LRRC8C: variants seen among roughly 807,000 people sequenced by gnomAD.
LRRC8C encodes volume-regulated anion channel subunit LRRC8C.
In LRRC8C, 20 loss-of-function variants were observed where a neutral mutation model predicts 55.3. That is an observed-to-expected ratio of 0.36 (90% confidence interval 0.25 to 0.53). The LOEUF (loss-of-function observed/expected upper bound fraction) is 0.53. LRRC8C is among the 20% of genes least tolerant of loss of function. The probability of loss-of-function intolerance (pLI) is 0.92; values close to 1 mark genes in which losing one functional copy is unlikely to be tolerated. For missense variants in LRRC8C, 659 were observed against 951.4 expected, an observed-to-expected ratio of 0.69 and a Z score of 4.04; for synonymous variants, 376 against 360.7, an observed-to-expected ratio of 1.04 and a Z score of -0.48.
At chr1:89,625,421 T>C in the LRRC8C span, among the ~76,000 whole-genome samples, 12 of 152,286 alleles carry the variant, frequency 7.9e-5, no homozygotes, top group Admixed American at 3.3e-4. Flanking sequence ...TTCTTTTCAC[T>C]AACAGCAAAA....
At chr1:89,698,954 T>C (rs1366775563) in intron 2 of LRRC8C, among the ~76,000 whole-genome samples, 1 of 150,968 alleles carries the variant, frequency 6.6e-6, no homozygotes, top group Non-Finnish European at 1.5e-5. Flanking sequence ...ATAAGGGAGA[T>C]TCAGACAAGT....
intron 1 of LRRC8C, among the ~76,000 whole-genome samples, chr1:89,671,201 A>G (rs1193132307): frequency 6.6e-6 from 1 of 151,990 alleles, no homozygotes; most frequent in Non-Finnish European, 1.5e-5. Flanking sequence ...GTAGTCACAT[A>G]TTCTACTATA....
chr1:89,700,232 C>G (rs1658281907), intron 2 of LRRC8C, among the ~76,000 whole-genome samples: 1 of 152,182 alleles, frequency 6.6e-6, no homozygotes, highest in African/African-American at 2.4e-5. Flanking sequence ...CAGGCTCTAA[C>G]CTAGTAGCTT....
At chr1:89,671,770 C>T (rs1336351290) in intron 1 of LRRC8C, among the ~76,000 whole-genome samples, 1 of 152,190 alleles carries the variant, frequency 6.6e-6, no homozygotes, top group Non-Finnish European at 1.5e-5. Context: ...AGGTCAGAGT[C>T]AGTTTGCATG....
At position 89,714,780 on chromosome 1, in the gene LRRC8C, G is replaced by GA. The variant is rs1319870259; in HGVS notation, c.2216dup (p.Asn739LysfsTer24). ...AAGAAACTTAAAACTCTGAAGATTG[G>GA]AAAAAACAGCCTATCTGTACTTTCA... On this transcript the variant is annotated frameshift_variant, in exon 3 of 3. Transcript: ENST00000370454. LOFTEE classifies it high-confidence loss of function. This position sits in a 1 kb window ranked among gnomAD's most constrained non-coding sequence, Gnocchi z 4.6. 2 of 1,613,238 alleles carry GA rather than the reference G, an allele frequency of 1.2e-6. No homozygotes were observed. Among genetic ancestry groups the GA allele is most frequent in the Non-Finnish European group, 1.7e-6 (2 of 1,179,786 alleles).
chr1:89,684,508 G>T (rs2101276777), intron 1 of LRRC8C, among the ~76,000 whole-genome samples: 1 of 152,304 alleles, frequency 6.6e-6, no homozygotes, highest in Middle Eastern at 3.4e-3. Flanking sequence ...AAGTAATGGG[G>T]ATGCAAAATA....
At chr1:89,694,686 C>T (rs1658120056) in intron 2 of LRRC8C, among the ~76,000 whole-genome samples, 1 of 139,234 alleles carries the variant, frequency 7.2e-6, no homozygotes, top group African/African-American at 2.7e-5. Flanking sequence ...TTCCCGGGTT[C>T]AAGTGGTTCT....
At chr1:89,636,802 C>G (rs921953424) in intron 1 of LRRC8C, among the ~76,000 whole-genome samples, 1 of 152,174 alleles carries the variant, frequency 6.6e-6, no homozygotes, top group Non-Finnish European at 1.5e-5. Context: ...AGGCACAGCA[C>G]CCGGCCCACT....
Position 89,713,037 on chromosome 1 carries a change from A to G in LRRC8C, c.467A>G (p.Glu156Gly). 1 of 1,614,170 alleles carries G rather than the reference A, an allele frequency of 6.2e-7. No homozygotes were observed. The highest frequency in any genetic ancestry group is 1.1e-5 in the South Asian group (1 of 91,082). Residue 156 changes from glutamate (E) to glycine (G), a missense_variant, in exon 3 of 3, where the codon GAA becomes GGA. Glu to Gly is a moderately conservative substitution (Grantham distance 98, BLOSUM62 -2). Transcript: ENST00000370454. The surrounding 1 kb of genome is among the most constrained non-coding windows in gnomAD (Gnocchi z 5.2). ...TTCCCTGGTTCCAGCTCCAAAATAG[A>G]ACATTTCATCTCCATTCTGGGGAAG... is the stretch of plus-strand genomic sequence containing the variant. The part of the protein sequence containing the change: ...FKFPGSSSKI[E>G]HFISILGKCF...
intron 1 of LRRC8C, among the ~76,000 whole-genome samples, chr1:89,668,794 A>G (rs1417661723): frequency 6.6e-6 from 1 of 152,188 alleles, no homozygotes; most frequent in Non-Finnish European, 1.5e-5. Flanking sequence ...CGTGGATTTA[A>G]TATGGAGGTT....
chr1:89,711,461 A>G (rs1658646417), intron 2 of LRRC8C, among the ~76,000 whole-genome samples: 1 of 152,230 alleles, frequency 6.6e-6, no homozygotes, highest in African/African-American at 2.4e-5. Context: ...CAGCCATTTG[A>G]CATTTTAAGG....
chr1:89,686,720 T>G (rs1657895254), intron 2 of LRRC8C, 109 bp downstream of exon 2: 7 of 1,214,780 alleles, frequency 5.8e-6, no homozygotes, highest in Non-Finnish European at 8.1e-6. Context: ...TATTAGTCAC[T>G]GTTCTCTGTG....
intron 2 of LRRC8C, among the ~76,000 whole-genome samples, chr1:89,702,015 C>G (rs1168371977): frequency 6.6e-6 from 1 of 152,014 alleles, no homozygotes; most frequent in Non-Finnish European, 1.5e-5. Flanking sequence ...CAAAAAGAAG[C>G]TGAAAAAATA....
At chr1:89,700,753 G>A (rs577090665) in intron 2 of LRRC8C, among the ~76,000 whole-genome samples, 20 of 152,320 alleles carry the variant, frequency 1.3e-4, no homozygotes, top group Non-Finnish European at 2.5e-4. Flanking sequence ...GAGGTGGAGG[G>A]AGGATGAAGC....
At chr1:89,681,616 A>C (rs1231283092) in intron 1 of LRRC8C, among the ~76,000 whole-genome samples, 1 of 152,186 alleles carries the variant, frequency 6.6e-6, no homozygotes, top group African/African-American at 2.4e-5. Flanking sequence ...GGTGGCAGGC[A>C]AGAGAGTGTG....
chr1:89,649,408 G>T (rs763148875), intron 1 of LRRC8C, among the ~76,000 whole-genome samples: 1 of 152,174 alleles, frequency 6.6e-6, no homozygotes, highest in African/African-American at 2.4e-5. Flanking sequence ...AGGGTAGCTA[G>T]TTGCATTTTT....
intron 1 of LRRC8C, among the ~76,000 whole-genome samples, chr1:89,663,962 T>G (rs1048436093): frequency 7.9e-5 from 12 of 152,264 alleles, no homozygotes; most frequent in Admixed American, 7.8e-4. Context: ...GCCCACTTTT[T>G]GATGGTGTTG....
chr1:89,661,289 C>T (rs1657114456), intron 1 of LRRC8C: 1 of 329,136 alleles, frequency 3.0e-6, no homozygotes, highest in Non-Finnish European at 6.1e-6. Context: ...CATTGGGAGC[C>T]AGTTTGTTCC....
chr1:89,692,127 T>C (rs1003168753), intron 2 of LRRC8C, among the ~76,000 whole-genome samples: 2 of 152,250 alleles, frequency 1.3e-5, no homozygotes, highest in Non-Finnish European at 2.9e-5. Flanking sequence ...CTGATAACTT[T>C]ATAAACAAAG....
Sources: allele counts gnomAD v4.1 joint callset (sites outside exome capture counted in the v4.1 genomes callset), GRCh38; gene constraint gnomAD v4.1.1; non-coding constraint Gnocchi (gnomAD v3.1); transcripts MANE v1.5; gene names NCBI Gene and HGNC (gene_info 2026-07-23, HGNC 2026-07-21).